The following MDFIC2 variants were observed in gnomAD, a reference collection of about 807,000 sequenced individuals.
The protein encoded by MDFIC2 is MyoD family inhibitor domain containing 2.
intron 2 of MDFIC2, among the ~76,000 whole-genome samples, chr3:70,257,266 A>G (rs1522344): frequency 0.81 from 123,395 of 152,126 alleles, 50,682 homozygotes; most frequent in Non-Finnish European, 0.87. Context: ...TGGCCATTCA[A>G]AAAAGTTCAA....
chr3:70,266,523 T>G (rs2106666574), intron 2 of MDFIC2, among the ~76,000 whole-genome samples: 1 of 152,174 alleles, frequency 6.6e-6, no homozygotes, highest in East Asian at 1.9e-4. Flanking sequence ...TAGGCTCAAG[T>G]GATCCAGAGT....
chr3:70,273,681 A>G (rs1701996030), intron 2 of MDFIC2, among the ~76,000 whole-genome samples: 1 of 152,258 alleles, frequency 6.6e-6, no homozygotes, highest in African/African-American at 2.4e-5. Flanking sequence ...ATATGCTGCC[A>G]TTACTCAGGC....
At chr3:70,262,643 A>C (rs939827886) in intron 2 of MDFIC2, among the ~76,000 whole-genome samples, 2 of 152,084 alleles carry the variant, frequency 1.3e-5, no homozygotes, top group Admixed American at 1.3e-4. Flanking sequence ...GCAGTCATTG[A>C]CTCTCAAATT....
intron 2 of MDFIC2, among the ~76,000 whole-genome samples, chr3:70,266,175 A>G (rs934774858): frequency 6.6e-6 from 1 of 152,178 alleles, no homozygotes; most frequent in African/African-American, 2.4e-5. Context: ...TTTATTAAAA[A>G]TATTTACAAA....
At chr3:70,243,495 T>G (rs1701679757) in intron 2 of MDFIC2, among the ~76,000 whole-genome samples, 3 of 152,246 alleles carry the variant, frequency 2.0e-5, no homozygotes, top group African/African-American at 4.8e-5. Context: ...GTGATGTAGT[T>G]TTCGTTTTTT....
intron 2 of MDFIC2, among the ~76,000 whole-genome samples, chr3:70,228,314 C>A (rs1701527434): frequency 6.6e-6 from 1 of 151,556 alleles, no homozygotes; most frequent in African/African-American, 2.4e-5. Context: ...AAATATTAAC[C>A]AAAAAATCTT....
At chr3:70,202,907 GAGGTTC>G (rs1701255738) in intron 3 of MDFIC2, among the ~76,000 whole-genome samples, 1 of 152,100 alleles carries the variant, frequency 6.6e-6, no homozygotes, top group African/African-American at 2.4e-5. Context: ...GCAATCCAAG[GAGGTTC>G]CACAAGTGTG....
At chr3:70,217,556 A>C (rs961711628) in intron 2 of MDFIC2, among the ~76,000 whole-genome samples, 2 of 152,106 alleles carry the variant, frequency 1.3e-5, no homozygotes, top group African/African-American at 4.8e-5. Context: ...ATTTAAAAGG[A>C]ACTTTGATTT....
At chr3:70,269,678 A>G (rs1701956069) in intron 2 of MDFIC2, among the ~76,000 whole-genome samples, 1 of 152,214 alleles carries the variant, frequency 6.6e-6, no homozygotes, top group Non-Finnish European at 1.5e-5. Flanking sequence ...CAGAAAATGT[A>G]CTAGCTATAT....
At chr3:70,258,233 G>T (rs1447233311) in intron 2 of MDFIC2, among the ~76,000 whole-genome samples, 1 of 151,988 alleles carries the variant, frequency 6.6e-6, no homozygotes, top group Non-Finnish European at 1.5e-5. Flanking sequence ...AATAGGGTGG[G>T]CAACAATTTC....
chr3:70,281,406 C>T (rs577913114), intron 2 of MDFIC2, among the ~76,000 whole-genome samples: 57 of 152,234 alleles, frequency 3.7e-4, no homozygotes, highest in African/African-American at 1.3e-3. Context: ...AATTAAACCC[C>T]GTTTTCTAGA....
intron 2 of MDFIC2, among the ~76,000 whole-genome samples, chr3:70,217,637 C>T (rs567309670): frequency 2.6e-5 from 4 of 152,180 alleles, no homozygotes; most frequent in South Asian, 4.2e-4. Flanking sequence ...TTTTCATATC[C>T]ACCACCTTTC....
At chr3:70,298,601 C>A (rs934121336) in intron 2 of MDFIC2, among the ~76,000 whole-genome samples, 1 of 152,216 alleles carries the variant, frequency 6.6e-6, no homozygotes, top group East Asian at 1.9e-4. Context: ...TCCTCTTTCT[C>A]GTTAAAATCA....
At chr3:70,282,011 G>C (rs528251348) in intron 2 of MDFIC2, among the ~76,000 whole-genome samples, 1 of 152,270 alleles carries the variant, frequency 6.6e-6, no homozygotes, top group African/African-American at 2.4e-5. Context: ...CACATTACCA[G>C]AACACCAGGG....
intron 2 of MDFIC2, among the ~76,000 whole-genome samples, chr3:70,239,758 A>G (rs935927305): frequency 1.2e-4 from 19 of 152,142 alleles, no homozygotes; most frequent in Non-Finnish European, 2.2e-4. Context: ...AGGAGATCAT[A>G]TCGCCCTATG....
At chr3:70,245,587 G>A (rs904609499) in intron 2 of MDFIC2, among the ~76,000 whole-genome samples, 3 of 148,290 alleles carry the variant, frequency 2.0e-5, no homozygotes, top group Admixed American at 6.8e-5. Context: ...AAAGGGAAAC[G>A]AGATTATAGT....
chr3:70,282,120 G>T (rs1043338213), intron 2 of MDFIC2, among the ~76,000 whole-genome samples: 1 of 152,090 alleles, frequency 6.6e-6, no homozygotes, highest in Admixed American at 6.6e-5. Flanking sequence ...TTCAGCTGGG[G>T]AAATGGGTCA....
rs561558229 is a variant in MDFIC2, at chr3:70,196,500, C to T, written c.*426G>A. 6.6e-6 allele frequency among the ~76,000 whole-genome samples: 1 copy of T among 152,220 alleles called. No individual in the cohort carries two copies. Among genetic ancestry groups the T allele is most frequent in the African/African-American group, 2.4e-5 (1 of 41,556 alleles). ...TAACCAACAATGCATAATGTTTATGCATGAGTCCATTAGAAAGACGAGCTA... is the reference window on the plus strand; with the variant it reads ...TAACCAACAATGCATAATGTTTATGTATGAGTCCATTAGAAAGACGAGCTA... On this transcript the variant is annotated 3_prime_UTR_variant, in exon 4 of 4. Coordinates refer to ENST00000567252, the MANE Select transcript of MDFIC2 (RefSeq NM_001364677.1).
chr3:70,210,547 T>G (rs1701332931), intron 2 of MDFIC2, among the ~76,000 whole-genome samples: 1 of 152,090 alleles, frequency 6.6e-6, no homozygotes, highest in East Asian at 1.9e-4. Context: ...TTTATTGTAT[T>G]ATTCGACATT....
Sources: allele counts gnomAD v4.1 joint callset (sites outside exome capture counted in the v4.1 genomes callset), GRCh38; gene constraint gnomAD v4.1.1; transcripts MANE v1.5; gene names NCBI Gene and HGNC (gene_info 2026-07-23, HGNC 2026-07-21).